The following DDX60L variants were observed in gnomAD, a reference collection of about 807,000 sequenced individuals.
DDX60L encodes the protein probable ATP-dependent RNA helicase DDX60-like.
A neutral mutation model predicts 211.6 loss-of-function variants in DDX60L; 191 were observed. The ratio of observed to expected loss-of-function variants is 0.90; its 90% confidence interval spans 0.80 to 1.02. The LOEUF (loss-of-function observed/expected upper bound fraction) is 1.02, where lower values mean the gene tolerates loss of function less well. DDX60L is among the 50% of genes least tolerant of loss of function. DDX60L has a pLI of 0.00. For missense variants in DDX60L, 2,007 were observed against 1,984.1 expected (o/e 1.01, Z -0.22); for synonymous variants, 706 against 694.1 (o/e 1.02, Z -0.27).
intron 25 of DDX60L, 35 bp downstream of exon 25, chr4:168,403,947 T>TCTGTAC: frequency 7.5e-7 from 1 of 1,336,470 alleles, no homozygotes; most frequent in Non-Finnish European, 1.0e-6. Flanking sequence ...AATTCTCACA[T>TCTGTAC]ATAAACAAAG....
intron 9 of DDX60L, among the ~76,000 whole-genome samples, chr4:168,447,934 C>A (rs1207598191): frequency 6.7e-6 from 1 of 148,548 alleles, no homozygotes; most frequent in South Asian, 2.2e-4. Flanking sequence ...TGCTAGATGA[C>A]GAGTTAGTGG....
intron 29 of DDX60L, among the ~76,000 whole-genome samples, chr4:168,389,506 G>C (rs921167157): frequency 6.6e-6 from 1 of 152,138 alleles, no homozygotes; most frequent in African/African-American, 2.4e-5. Context: ...ATCAAAGAAA[G>C]CACTAGAAGG....
chr4:168,417,800 T>C (rs575643383), intron 19 of DDX60L, among the ~76,000 whole-genome samples: 3 of 152,294 alleles, frequency 2.0e-5, no homozygotes, highest in Admixed American at 1.3e-4. Context: ...GAGGTCCAAA[T>C]TTTGGTCTTA....
intron 14 of DDX60L, among the ~76,000 whole-genome samples, chr4:168,425,915 T>C (rs1462414825): frequency 6.6e-6 from 1 of 152,222 alleles, no homozygotes; most frequent in Non-Finnish European, 1.5e-5. Context: ...GGAAATAGTA[T>C]GCACACATCA....
At chr4:168,448,433 CTATCATATCATAGCA>C (rs1220436501) in intron 9 of DDX60L, among the ~76,000 whole-genome samples, 190 bp downstream of exon 9, 4 of 152,156 alleles carry the variant, frequency 2.6e-5, no homozygotes, top group African/African-American at 9.6e-5. Context: ...TATTAATATG[CTATCATATCATAGCA>C]TATCATATCA....
intron 5 of DDX60L, among the ~76,000 whole-genome samples, chr4:168,459,182 C>A (rs565166238): frequency 2.6e-5 from 4 of 151,948 alleles, no homozygotes; most frequent in Non-Finnish European, 5.9e-5. Flanking sequence ...AAAATAAAAT[C>A]ATCAATTTAA....
At chr4:168,398,172 C>A (rs1467886283) in intron 26 of DDX60L, among the ~76,000 whole-genome samples, 1 of 152,192 alleles carries the variant, frequency 6.6e-6, no homozygotes, top group Non-Finnish European at 1.5e-5. Context: ...CCTGCTCCCA[C>A]TACCTGGCCT....
At chr4:168,446,468 C>T (rs7659952) in intron 9 of DDX60L, among the ~76,000 whole-genome samples, 1 of 152,136 alleles carries the variant, frequency 6.6e-6, no homozygotes, top group African/African-American at 2.4e-5. Flanking sequence ...AGGTGATTTA[C>T]AGATTCAATG....
chr4:168,425,030 C>T (rs905601834), intron 14 of DDX60L, among the ~76,000 whole-genome samples: 1 of 151,538 alleles, frequency 6.6e-6, no homozygotes, highest in African/African-American at 2.4e-5. Flanking sequence ...ATGGCTGTAG[C>T]ATCAGCCACC....
At chr4:168,363,149 G>T (rs144087234) in intron 36 of DDX60L, among the ~76,000 whole-genome samples, 71 of 152,200 alleles carry the variant, frequency 4.7e-4, no homozygotes, top group African/African-American at 1.5e-3. Flanking sequence ...AGAATGGAAT[G>T]ATATATTCAA....
intron 1 of DDX60L, among the ~76,000 whole-genome samples, chr4:168,474,545 A>C (rs183090594): frequency 2.2e-4 from 33 of 152,316 alleles, no homozygotes; most frequent in South Asian, 6.2e-4. Context: ...AAGATACTGA[A>C]TCTATGAAAT....
At chr4:168,421,655 A>C in intron 17 of DDX60L, 105 bp downstream of exon 17, 2 of 1,472,668 alleles carry the variant, frequency 1.4e-6, no homozygotes, top group Non-Finnish European at 1.8e-6. Context: ...ACTCTGTCTC[A>C]AAAATAAAAT....
intron 36 of DDX60L, among the ~76,000 whole-genome samples, chr4:168,370,583 T>C (rs1258838965): frequency 6.6e-6 from 1 of 152,104 alleles, no homozygotes; most frequent in African/African-American, 2.4e-5. Flanking sequence ...AAGAGAGGTT[T>C]TGAACATTCT....
chr4:168,378,494 T>C lies in DDX60L; in HGVS notation c.4364-19A>G, dbSNP rs781341251. On this transcript the variant is annotated intron_variant, in intron 32 of 37. Transcript: ENST00000682922. ...TGTGAGCCTATTGAAATAAAGAGCATTATTATAAATAAGAATAATGTTGAT... is the reference window on the plus strand; with the variant it reads ...TGTGAGCCTATTGAAATAAAGAGCACTATTATAAATAAGAATAATGTTGAT... The C allele has an allele frequency of 3.3e-6, 5 of 1,500,170 alleles. No individual in the cohort carries two copies. The highest frequency in any genetic ancestry group is 4.5e-6 in the Non-Finnish European group (5 of 1,115,484). The allele number at this position is 1,500,170 out of a possible 1,614,324, so 92.9% of individuals were successfully genotyped here. A position where few individuals can be genotyped will look rare whatever the true frequency, so the allele number is the denominator to read the frequency against.
Position 168,423,703 on chromosome 4 carries a change from G to A in DDX60L, c.2002C>T (p.Pro668Ser). 6.2e-7 allele frequency: 1 copy of A among 1,607,732 alleles called. No homozygotes were observed. The highest frequency in any genetic ancestry group is 8.5e-7 in the Non-Finnish European group (1 of 1,177,166). Residue 668 changes from proline to serine, a missense_variant, in exon 15 of 38, where the codon CCA becomes TCA. Pro to Ser is a moderately conservative substitution (Grantham distance 74). Transcript: ENST00000682922. ...TGATGTTCTGCTTCCAAAATTTCTG[G>A]GTATCTCTCCAGGAGTGAATGAATC... is the stretch of plus-strand genomic sequence containing the variant. ...KRIHSLLERY[P>S]EILEAEHHQY...
At position 168,394,432 on chromosome 4, in the gene DDX60L, C is replaced by T. The variant is rs770567724; in HGVS notation, c.3810+33G>A. 7 of 1,552,386 alleles carry T rather than the reference C, an allele frequency of 4.5e-6. No individual in the cohort carries two copies. In the African/African-American group the frequency reaches 5.5e-5, roughly 12 times the overall value. ...GTATTCAGCATCATAATATGCACAACTTTATTTTTTAAATGCAAAGAAATT... is the reference window on the plus strand; with the variant it reads ...GTATTCAGCATCATAATATGCACAATTTTATTTTTTAAATGCAAAGAAATT... On this transcript the variant is annotated intron_variant, in intron 28 of 37. Coordinates refer to ENST00000682922, the MANE Select transcript of DDX60L (RefSeq NM_001012967.3).
At chr4:168,401,472 T>C (rs1161405419) in intron 25 of DDX60L, among the ~76,000 whole-genome samples, 1 of 152,234 alleles carries the variant, frequency 6.6e-6, no homozygotes, top group Non-Finnish European at 1.5e-5. Context: ...CTCCCTAAAA[T>C]GTATAAAACC....
chr4:168,465,933 C>G (rs748494552), intron 4 of DDX60L, among the ~76,000 whole-genome samples: 3 of 151,828 alleles, frequency 2.0e-5, no homozygotes, highest in Non-Finnish European at 2.9e-5. Flanking sequence ...AGTGAAATAC[C>G]CCCAGCTTTT....
At position 168,399,998 on chromosome 4, in the gene DDX60L, CT is replaced by C. The variant is rs1746512257; in HGVS notation, c.3491+827del. On this transcript the variant is annotated intron_variant, in intron 26 of 37. Coordinates refer to ENST00000682922, the MANE Select transcript of DDX60L (RefSeq NM_001012967.3). ...CCTATTAGGTATTTCTCCTGATCCTCTCTCTCCCTTTTCCTCCCACCCTCCA... is the reference window on the plus strand; with the variant it reads ...CCTATTAGGTATTTCTCCTGATCCTCCTCTCCCTTTTCCTCCCACCCTCCA... Among the ~76,000 whole-genome samples the C allele has an allele frequency of 1.9e-4, 29 of 152,146 alleles. 1 individual carries two copies. The highest frequency in any genetic ancestry group is 8.8e-5 in the Non-Finnish European group (6 of 68,016).
Sources: gnomAD v4.1 joint callset for allele counts (sites outside exome capture counted in the v4.1 genomes callset) on GRCh38, gnomAD v4.1.1 for gene constraint, MANE v1.5 for transcripts, NCBI Gene and HGNC (gene_info 2026-07-23, HGNC 2026-07-21) for gene names.